The following PTPRD variants were observed in gnomAD, a reference collection of about 807,000 sequenced individuals.
The protein encoded by PTPRD is receptor-type tyrosine-protein phosphatase delta.
PTPRD carries 34 observed loss-of-function variants against 214.5 expected under a neutral mutation model. The ratio of observed to expected loss-of-function variants is 0.16; its 90% CI spans 0.12 to 0.21. The LOEUF is 0.21. PTPRD is among the 10% of genes least tolerant of loss of function. PTPRD has a pLI of 1.00. For missense variants in PTPRD, 2,545 were observed against 2,398.7 expected, an observed-to-expected ratio of 1.06 and a Z score of -1.27; for synonymous variants, 1,128 against 845.7, an observed-to-expected ratio of 1.33 and a Z score of -5.79.
intron 7 of PTPRD, among the ~76,000 whole-genome samples, chr9:9,621,657 G>A (rs2095244236): frequency 6.6e-6 from 1 of 152,082 alleles, no homozygotes; most frequent in East Asian, 1.9e-4. Flanking sequence ...TAAACCCTTT[G>A]AAAAAGAAGA....
intron 3 of PTPRD, among the ~76,000 whole-genome samples, chr9:10,305,383 CAAAAAA>C (rs532681794): frequency 2.6e-5 from 2 of 75,880 alleles, no homozygotes; most frequent in Admixed American, 1.3e-4. Context: ...AAAGCAATGG[CAAAAAA>C]AAAAAAAAAA....
intron 7 of PTPRD, among the ~76,000 whole-genome samples, chr9:9,697,799 A>G (rs1205702301): frequency 1.3e-5 from 2 of 152,180 alleles, no homozygotes; most frequent in Non-Finnish European, 2.9e-5. Context: ...TAATTCTTAG[A>G]TTTCCTCTTT....
chr9:8,439,746 A>C (rs965436336), intron 34 of PTPRD, among the ~76,000 whole-genome samples: 3 of 152,100 alleles, frequency 2.0e-5, no homozygotes, highest in Admixed American at 2.0e-4. Context: ...TATTGAAAAA[A>C]AATGTTATAT....
Position 8,777,772 on chromosome 9 carries a change from A to G in PTPRD, c.-103-43826T>C, listed in dbSNP as rs114384556. Reference sequence around the variant, plus strand: ...TACTTCCTGATTTATGCAGTCCTATATTCATTGTACCAAAGATATGATCCT... The same window carrying G: ...TACTTCCTGATTTATGCAGTCCTATGTTCATTGTACCAAAGATATGATCCT... On this transcript the variant is annotated intron_variant, in intron 11 of 45. Coordinates refer to ENST00000381196, the MANE Select transcript of PTPRD (RefSeq NM_002839.4). 6.6e-3 allele frequency among the ~76,000 whole-genome samples: 999 copies of G among 152,320 alleles called. 9 individuals carry two copies. The highest frequency in any genetic ancestry group is 0.023 in the African/African-American group (962 of 41,586).
At chr9:9,505,650 C>T (rs1047362712) in intron 8 of PTPRD, among the ~76,000 whole-genome samples, 1 of 151,492 alleles carries the variant, frequency 6.6e-6, no homozygotes, top group Admixed American at 6.6e-5. Flanking sequence ...AAGGTTTCAT[C>T]TAGGCATGCT....
At chr9:9,577,092 G>C (rs1444280749) in intron 7 of PTPRD, among the ~76,000 whole-genome samples, 4 of 152,112 alleles carry the variant, frequency 2.6e-5, no homozygotes, top group Non-Finnish European at 5.9e-5. Context: ...CTTAAGTTCA[G>C]GGATTCCAGA....
chr9:8,742,451 G>C (rs1163614428), intron 11 of PTPRD, among the ~76,000 whole-genome samples: 3 of 152,054 alleles, frequency 2.0e-5, no homozygotes, highest in African/African-American at 7.2e-5. Context: ...AACTGATTTT[G>C]TCATCTTTAA....
chr9:8,956,870 C>T (rs1359345319), intron 11 of PTPRD, among the ~76,000 whole-genome samples: 1 of 151,820 alleles, frequency 6.6e-6, no homozygotes, highest in African/African-American at 2.4e-5. Context: ...CACCCAGGCC[C>T]CACTCAAGAC....
chr9:9,829,744 G>T (rs369571619), intron 5 of PTPRD, among the ~76,000 whole-genome samples: 5 of 151,712 alleles, frequency 3.3e-5, no homozygotes, highest in African/African-American at 1.2e-4. Flanking sequence ...GCTCAGAAAG[G>T]AAATCTGGCA....
At chr9:10,341,578 A>G (rs560730805) in intron 2 of PTPRD, among the ~76,000 whole-genome samples, 91 of 152,100 alleles carry the variant, frequency 6.0e-4, no homozygotes, top group Non-Finnish European at 8.0e-4. Context: ...AGATGGCCAC[A>G]GTATTGTAGA....
chr9:9,245,546 A>G (rs538452270), intron 9 of PTPRD, among the ~76,000 whole-genome samples: 1 of 151,764 alleles, frequency 6.6e-6, no homozygotes. Flanking sequence ...GCATGTTCTC[A>G]CTCATAGGTG....
chr9:8,914,433 A>AG (rs2098770525), intron 11 of PTPRD, among the ~76,000 whole-genome samples: 1 of 152,156 alleles, frequency 6.6e-6, no homozygotes, highest in Admixed American at 6.5e-5. Flanking sequence ...GCAGAACTGA[A>AG]GCAAGTCAAA....
chr9:9,912,668 G>C (rs2079539216), intron 5 of PTPRD, among the ~76,000 whole-genome samples: 2 of 152,238 alleles, frequency 1.3e-5, no homozygotes, highest in South Asian at 4.1e-4. Context: ...GAAATGAATA[G>C]CCAGTAGGTA....
intron 14 of PTPRD, among the ~76,000 whole-genome samples, chr9:8,562,465 C>T (rs1487411447): frequency 4.6e-5 from 7 of 151,446 alleles, no homozygotes; most frequent in African/African-American, 1.7e-4. Flanking sequence ...GAGACAAGGT[C>T]TCATTTTGTC....
At chr9:8,787,005 A>T (rs1275506349) in intron 11 of PTPRD, among the ~76,000 whole-genome samples, 1 of 151,486 alleles carries the variant, frequency 6.6e-6, no homozygotes, top group Admixed American at 6.6e-5. Flanking sequence ...CCCAGCTAAT[A>T]TTTTCTTTTT....
chr9:9,819,392 G>A (rs1032453255), intron 5 of PTPRD, among the ~76,000 whole-genome samples: 5 of 152,186 alleles, frequency 3.3e-5, no homozygotes, highest in African/African-American at 1.2e-4. Flanking sequence ...ATTGCACTTT[G>A]CAGATTTGAT....
intron 2 of PTPRD, among the ~76,000 whole-genome samples, chr9:10,578,596 C>A (rs553665048): frequency 6.6e-6 from 1 of 152,052 alleles, no homozygotes; most frequent in African/African-American, 2.4e-5. Context: ...AAAGATTGAC[C>A]AATAACTGGG....
At chr9:9,693,583 G>C (rs554100967) in intron 7 of PTPRD, among the ~76,000 whole-genome samples, 1 of 152,112 alleles carries the variant, frequency 6.6e-6, no homozygotes, top group Non-Finnish European at 1.5e-5. Flanking sequence ...TTTAGGTTAA[G>C]TATGCTTGCT....
chr9:8,574,168 T>C (rs974779083), intron 14 of PTPRD, among the ~76,000 whole-genome samples: 1 of 151,974 alleles, frequency 6.6e-6, no homozygotes, highest in African/African-American at 2.4e-5. Flanking sequence ...GATTGAAACA[T>C]GTCTTAATTC....
Sources: allele counts gnomAD v4.1 joint callset (sites outside exome capture counted in the v4.1 genomes callset), GRCh38; gene constraint gnomAD v4.1.1; transcripts MANE v1.5; gene names NCBI Gene and HGNC (gene_info 2026-07-23, HGNC 2026-07-21).